Variants in WDR70 observed in about 807,000 individuals in gnomAD.
WDR70 encodes the protein WD repeat-containing protein 70.
Under a neutral mutation model 88.6 loss-of-function variants are expected in WDR70, and 53 were observed. That is an observed-to-expected ratio of 0.60 (90% CI 0.48 to 0.75). The LOEUF (loss-of-function observed/expected upper bound fraction) is 0.75. WDR70 is among the 30% of genes least tolerant of loss of function. WDR70 has a pLI of 0.00. For missense variants in WDR70, 610 were observed against 823.2 expected (o/e 0.74, Z 3.17); for synonymous variants, 280 against 270.0 (o/e 1.04, Z -0.36).
At chr5:37,388,881 C>T (rs140800295) in intron 3 of WDR70, among the ~76,000 whole-genome samples, 3,321 of 151,968 alleles carry the variant, frequency 0.022, 131 homozygotes, top group African/African-American at 0.076. Flanking sequence ...GGTGAGACCC[C>T]GTCTCTATTA....
intron 10 of WDR70, among the ~76,000 whole-genome samples, chr5:37,634,607 G>C (rs993546959): frequency 6.6e-6 from 1 of 152,162 alleles, no homozygotes; most frequent in Non-Finnish European, 1.5e-5. Context: ...TAGGCAGGAG[G>C]TCAGTTCAGA....
intron 17 of WDR70, among the ~76,000 whole-genome samples, chr5:37,738,644 A>T (rs184176835): frequency 6.6e-6 from 1 of 152,316 alleles, no homozygotes; most frequent in African/African-American, 2.4e-5. Context: ...TTTATTCATT[A>T]CTGGCTGCTC....
Position 37,514,965 on chromosome 5 carries a change from G to A in WDR70, c.841-1549G>A, listed in dbSNP as rs1218965561. Among the ~76,000 whole-genome samples the A allele has an allele frequency of 4.6e-5, 7 of 150,930 alleles. No individual in the cohort carries two copies. The East Asian group carries it at 1.4e-3, about 30-fold the overall frequency. ...TGGGAGGCCAAGGCTACAGTAAGCT[G>A]TGAACATGCCACTGTACCCCAGCCT... On this transcript the variant is annotated intron_variant, in intron 8 of 17. Transcript: ENST00000265107.
In WDR70 at chr5:37,752,993, T is replaced by C. The variant is rs1748857280; in HGVS notation, c.*420T>C. 6.3e-6 allele frequency: 1 copy of C among 158,958 alleles called. No individual in the cohort carries two copies. Among genetic ancestry groups the C allele is most frequent in the Admixed American group, 6.5e-5 (1 of 15,448 alleles). 9.8% of individuals were successfully genotyped at this position (158,958 alleles called of 1,614,324 possible). On this transcript the variant is annotated 3_prime_UTR_variant, in exon 18 of 18. Coordinates refer to ENST00000265107, the MANE Select transcript of WDR70 (RefSeq NM_018034.4). ...TATAATTTCACAACAGTTGTTTACA[T>C]GACTGTAATTAATTAGGCTGAGTTC...
rs1371199902 is a variant in WDR70, at chr5:37,426,025, A to G, written c.493-11897A>G. Among the ~76,000 whole-genome samples, 19 of 152,344 alleles carry G rather than the reference A, an allele frequency of 1.2e-4. No individual in the cohort carries two copies. In the East Asian group the frequency reaches 2.9e-3, roughly 23 times the overall value. On this transcript the variant is annotated intron_variant, in intron 5 of 17. Transcript: ENST00000265107. ...GTTGAGAGACATATAGCCTGGGATT[A>G]TAGATTTTAGAGTCATCAGCATATG...
intron 9 of WDR70, among the ~76,000 whole-genome samples, chr5:37,586,518 T>C (rs1165194677): frequency 2.6e-5 from 4 of 152,182 alleles, no homozygotes; most frequent in Non-Finnish European, 5.9e-5. Flanking sequence ...CATCAACCCG[T>C]CACCTACATT....
intron 9 of WDR70, among the ~76,000 whole-genome samples, chr5:37,597,900 A>G (rs930594056): frequency 1.3e-5 from 2 of 152,228 alleles, no homozygotes; most frequent in Non-Finnish European, 2.9e-5. Context: ...TATTTAAGAA[A>G]TCTTTGCCTT....
At chr5:37,678,222 C>T (rs1318866158) in intron 10 of WDR70, among the ~76,000 whole-genome samples, 3 of 152,058 alleles carry the variant, frequency 2.0e-5, no homozygotes, top group African/African-American at 7.2e-5. Context: ...GAGCATTTAG[C>T]CCATTTACAT....
At chr5:37,508,988 T>C (rs1181890243) in intron 8 of WDR70, among the ~76,000 whole-genome samples, 1 of 152,170 alleles carries the variant, frequency 6.6e-6, no homozygotes, top group Non-Finnish European at 1.5e-5. Flanking sequence ...TTCGAGTTCT[T>C]CCTTCCTTTA....
intron 7 of WDR70, among the ~76,000 whole-genome samples, chr5:37,477,979 T>A (rs546853017): frequency 6.6e-6 from 1 of 152,218 alleles, no homozygotes; most frequent in Admixed American, 6.5e-5. Flanking sequence ...TTTAAATGTA[T>A]GCTATTGTTA....
chr5:37,597,193 TTTTCA>T (rs1427590192), intron 9 of WDR70, among the ~76,000 whole-genome samples: 1 of 152,194 alleles, frequency 6.6e-6, no homozygotes, highest in Non-Finnish European at 1.5e-5. Flanking sequence ...AAAAAATAAA[TTTTCA>T]TTTATCTTAA....
At position 37,695,554 on chromosome 5, in the gene WDR70, C is replaced by T. The variant is rs534490718; in HGVS notation, c.1093-2101C>T. Among the ~76,000 whole-genome samples, 8 of 152,272 alleles carry T rather than the reference C, an allele frequency of 5.3e-5. No individual in the cohort carries two copies. The South Asian group carries it at 1.7e-3, about 32-fold the overall frequency. On this transcript the variant is annotated intron_variant, in intron 10 of 17. Coordinates refer to ENST00000265107, the MANE Select transcript of WDR70 (RefSeq NM_018034.4). ...TGTGCTCAGGGTCCTCTTTCAAGCT[C>T]ATTGGTTGTTGGCAGGACTCAGATC...
At chr5:37,519,874 C>T (rs1741032620) in intron 9 of WDR70, among the ~76,000 whole-genome samples, 1 of 152,178 alleles carries the variant, frequency 6.6e-6, no homozygotes, top group African/African-American at 2.4e-5. Flanking sequence ...AATGGTTTTA[C>T]TAATTTACAT....
chr5:37,657,576 C>A (rs1745593182), intron 10 of WDR70, among the ~76,000 whole-genome samples: 1 of 152,194 alleles, frequency 6.6e-6, no homozygotes, highest in South Asian at 2.1e-4. Context: ...TTCATTTGTA[C>A]ATGATGATTT....
At chr5:37,634,124 C>T (rs540380808) in intron 10 of WDR70, among the ~76,000 whole-genome samples, 2 of 151,660 alleles carry the variant, frequency 1.3e-5, no homozygotes, top group Admixed American at 1.3e-4. Context: ...ACGGTGAAAC[C>T]CCATCTCTAC....
chr5:37,433,034 A>G lies in WDR70; in HGVS notation c.493-4888A>G, dbSNP rs139667468. On this transcript the variant is annotated intron_variant, in intron 5 of 17. Transcript: ENST00000265107. ...GTATTGATTATCTCTTTTGATGCCCAGAACACCTTGGCGATATTTTAAAAT... is the reference window on the plus strand; with the variant it reads ...GTATTGATTATCTCTTTTGATGCCCGGAACACCTTGGCGATATTTTAAAAT... 2.8e-4 allele frequency among the ~76,000 whole-genome samples: 43 copies of G among 152,216 alleles called. No homozygotes were observed. The East Asian group carries it at 6.6e-3, about 23-fold the overall frequency.
intron 7 of WDR70, among the ~76,000 whole-genome samples, chr5:37,469,365 C>T (rs1739258285): frequency 6.6e-6 from 1 of 152,148 alleles, no homozygotes; most frequent in South Asian, 2.1e-4. Flanking sequence ...CTGTGGCCTC[C>T]TACACTGTGT....
chr5:37,519,643 A>C (rs1405925964), intron 9 of WDR70, among the ~76,000 whole-genome samples: 1 of 133,080 alleles, frequency 7.5e-6, no homozygotes, highest in African/African-American at 2.9e-5. Context: ...CACCTCCCAG[A>C]CGGGGCGGCC....
chr5:37,422,143 C>T (rs1383468608), intron 5 of WDR70, among the ~76,000 whole-genome samples: 1 of 151,968 alleles, frequency 6.6e-6, no homozygotes, highest in Non-Finnish European at 1.5e-5. Flanking sequence ...ATGAAAAATA[C>T]CACTGCAAAT....
Sources: allele counts gnomAD v4.1 joint callset (sites outside exome capture counted in the v4.1 genomes callset), GRCh38; gene constraint gnomAD v4.1.1; transcripts MANE v1.5; gene names NCBI Gene and HGNC (gene_info 2026-07-23, HGNC 2026-07-21).